The following SMYD3 variants were observed in gnomAD, a reference collection of about 807,000 sequenced individuals.
SMYD3 encodes SET and MYND domain containing 3.
Under a neutral mutation model 57.7 loss-of-function variants are expected in SMYD3, and 36 were observed. The observed-to-expected ratio is 0.62, with a 90% confidence interval of 0.48 to 0.82. The LOEUF (loss-of-function observed/expected upper bound fraction) is 0.82, where lower values mean the gene tolerates loss of function less well. SMYD3 is among the 40% of genes least tolerant of loss of function. The pLI is 0.00. For synonymous variants in SMYD3, 211 were observed against 195.0 expected (o/e 1.08, Z -0.68); for missense variants, 515 against 538.8 (o/e 0.96, Z 0.44).
chr1:246,356,070 C>T (rs2065906455), intron 1 of SMYD3, among the ~76,000 whole-genome samples: 1 of 152,156 alleles, frequency 6.6e-6, no homozygotes, highest in African/African-American at 2.4e-5. Context: ...CAACCAAGGG[C>T]CCTTGTAGAG....
chr1:245,838,052 G>C (rs1445439456), intron 10 of SMYD3, among the ~76,000 whole-genome samples: 1 of 151,704 alleles, frequency 6.6e-6, no homozygotes, highest in African/African-American at 2.4e-5. Context: ...ATTCCCCTTA[G>C]GTCCTACATT....
intron 1 of SMYD3, among the ~76,000 whole-genome samples, chr1:246,477,396 C>G (rs143441777): frequency 6.6e-6 from 1 of 152,178 alleles, no homozygotes; most frequent in Non-Finnish European, 1.5e-5. Flanking sequence ...TCTCTTAACA[C>G]GACTATATTC....
intron 5 of SMYD3, among the ~76,000 whole-genome samples, chr1:245,974,199 A>G (rs1344167323): frequency 1.3e-5 from 2 of 152,200 alleles, no homozygotes; most frequent in African/African-American, 4.8e-5. Context: ...TCAATGAGAA[A>G]AAATCTCTCT....
At chr1:246,234,052 A>T (rs147043141) in intron 5 of SMYD3, among the ~76,000 whole-genome samples, 88 of 129,356 alleles carry the variant, frequency 6.8e-4, no homozygotes, top group Admixed American at 8.5e-4. Flanking sequence ...ATGAACATAT[A>T]CCACACAGAG....
At chr1:246,028,714 A>G (rs2059617971) in intron 5 of SMYD3, among the ~76,000 whole-genome samples, 1 of 152,238 alleles carries the variant, frequency 6.6e-6, no homozygotes, top group Non-Finnish European at 1.5e-5. Flanking sequence ...CATGTTTCAC[A>G]GAAATATTTT....
chr1:245,829,915 G>T (rs2148377235), intron 10 of SMYD3, among the ~76,000 whole-genome samples: 1 of 152,152 alleles, frequency 6.6e-6, no homozygotes. Context: ...TCTAGAATAG[G>T]CAAATCTAGA....
At chr1:245,943,642 G>T (rs577205211) in intron 5 of SMYD3, among the ~76,000 whole-genome samples, 1 of 152,082 alleles carries the variant, frequency 6.6e-6, no homozygotes, top group East Asian at 1.9e-4. Flanking sequence ...TGAGGCCAGC[G>T]TCATCCTGAC....
At chr1:246,145,247 GTTC>G (rs763431908) in intron 5 of SMYD3, among the ~76,000 whole-genome samples, 3 of 152,106 alleles carry the variant, frequency 2.0e-5, no homozygotes, top group Non-Finnish European at 4.4e-5. Context: ...TGAGCTTCTG[GTTC>G]TTATTTGCAA....
chr1:245,883,099 G>A (rs1572585754), intron 8 of SMYD3, among the ~76,000 whole-genome samples: 2 of 152,150 alleles, frequency 1.3e-5, no homozygotes, highest in East Asian at 3.9e-4. Context: ...TCAATCTTTA[G>A]GGTCAGAAAA....
intron 1 of SMYD3, among the ~76,000 whole-genome samples, chr1:246,411,873 C>T (rs1359713966): frequency 1.3e-5 from 2 of 148,230 alleles, no homozygotes; most frequent in Non-Finnish European, 3.0e-5. Context: ...ATACCTAATG[C>T]TAAATGACGA....
intron 10 of SMYD3, among the ~76,000 whole-genome samples, chr1:245,795,465 G>T (rs1486284532): frequency 6.6e-6 from 1 of 152,130 alleles, no homozygotes; most frequent in African/African-American, 2.4e-5. Flanking sequence ...CAGCCATTTT[G>T]CCTCCTTTAT....
chr1:245,819,135 T>C (rs1347374309), intron 10 of SMYD3, among the ~76,000 whole-genome samples: 3 of 144,120 alleles, frequency 2.1e-5, no homozygotes, highest in Admixed American at 7.0e-5. Context: ...ATTGATCACA[T>C]AGTTGGAAGT....
chr1:246,235,125 C>T (rs1440496489), intron 5 of SMYD3, among the ~76,000 whole-genome samples: 1 of 152,146 alleles, frequency 6.6e-6, no homozygotes, highest in Non-Finnish European at 1.5e-5. Context: ...AAAAGTCAAA[C>T]ATTTCACTAA....
intron 1 of SMYD3, among the ~76,000 whole-genome samples, chr1:246,470,318 C>T (rs1017200509): frequency 3.3e-5 from 5 of 151,688 alleles, no homozygotes; most frequent in African/African-American, 1.2e-4. Context: ...ATGGCAAAAC[C>T]CTGTCTCTGC....
At chr1:246,367,265 C>T (rs542946865) in intron 1 of SMYD3, among the ~76,000 whole-genome samples, 1 of 152,210 alleles carries the variant, frequency 6.6e-6, no homozygotes, top group Admixed American at 6.5e-5. Flanking sequence ...ATTTGCTAGA[C>T]ATGAGGTAAG....
intron 5 of SMYD3, among the ~76,000 whole-genome samples, chr1:245,998,541 A>G (rs1235236097): frequency 6.6e-6 from 1 of 152,204 alleles, no homozygotes; most frequent in African/African-American, 2.4e-5. Flanking sequence ...ATGTAGAGAA[A>G]CTGGAATCCT....
At chr1:246,393,699 A>G (rs929815108) in intron 1 of SMYD3, among the ~76,000 whole-genome samples, 2 of 148,940 alleles carry the variant, frequency 1.3e-5, no homozygotes, top group Admixed American at 1.3e-4. Context: ...AAAAAAAAAA[A>G]AATTTAATTA....
rs563657218 is a variant in SMYD3, at chr1:246,402,902, T to A, written c.165-47808A>T. ...AATAGCAGTCAATAATTTAAAATCA[T>A]GAAAATAAATTTTCAATCTATACTT... is the stretch of plus-strand genomic sequence containing the variant. On this transcript the variant is annotated intron_variant, in intron 1 of 11. Coordinates refer to ENST00000490107, the MANE Select transcript of SMYD3 (RefSeq NM_001167740.2). Among the ~76,000 whole-genome samples, 58 of 152,342 alleles carry A rather than the reference T, an allele frequency of 3.8e-4. 1 individual carries two copies. Among genetic ancestry groups the A allele is most frequent in the African/African-American group, 1.3e-3 (55 of 41,582 alleles).
chr1:245,888,609 C>T (rs2053211715), intron 8 of SMYD3, among the ~76,000 whole-genome samples: 1 of 152,172 alleles, frequency 6.6e-6, no homozygotes, highest in Non-Finnish European at 1.5e-5. Flanking sequence ...TGATATTGAC[C>T]TAGATGCCTA....
Sources: gnomAD v4.1 joint callset for allele counts (sites outside exome capture counted in the v4.1 genomes callset) on GRCh38, gnomAD v4.1.1 for gene constraint, MANE v1.5 for transcripts, NCBI Gene and HGNC (gene_info 2026-07-23, HGNC 2026-07-21) for gene names.